NUDCD3: variants seen among roughly 807,000 people sequenced by gnomAD.
The protein encoded by NUDCD3 is NudC domain containing 3.
A neutral mutation model predicts 39.7 loss-of-function variants in NUDCD3; 13 were observed. The ratio of observed to expected loss-of-function variants is 0.33; its 90% CI spans 0.21 to 0.52. The LOEUF (loss-of-function observed/expected upper bound fraction) is 0.52, where lower values mean the gene tolerates loss of function less well. Ranked by LOEUF, NUDCD3 falls within the 20% of genes least tolerant of loss-of-function variation. The pLI is 0.96. For synonymous variants in NUDCD3, 175 were observed against 172.4 expected (o/e 1.02, Z -0.12); for missense variants, 453 against 458.1 (o/e 0.99, Z 0.10).
intron 2 of NUDCD3, chr7:44,468,274 T>C (rs748158126): frequency 2.7e-5 from 42 of 1,583,162 alleles, no homozygotes; most frequent in East Asian, 1.1e-4. Context: ...CCAACCCCAA[T>C]GCCAGGCTGC....
intron 2 of NUDCD3, among the ~76,000 whole-genome samples, chr7:44,442,693 C>CTTTTT (rs869244799): frequency 9.7e-5 from 12 of 124,340 alleles, no homozygotes; most frequent in Non-Finnish European, 1.2e-4. Context: ...CTCCCCTTTT[C>CTTTTT]TTTTTTTTTT....
chr7:44,466,921 G>C (rs1800129840), intron 2 of NUDCD3, among the ~76,000 whole-genome samples: 1 of 152,226 alleles, frequency 6.6e-6, no homozygotes, highest in Non-Finnish European at 1.5e-5. Context: ...TGCTGTTTCA[G>C]ACTCTGCTAT....
chr7:44,480,449 T>C (rs1166711993), intron 2 of NUDCD3, among the ~76,000 whole-genome samples: 2 of 152,198 alleles, frequency 1.3e-5, no homozygotes, highest in African/African-American at 2.4e-5. Flanking sequence ...AGTTTTCAAA[T>C]TTGATATTAG....
chr7:44,389,857 G>C (rs1414248168), intron 5 of NUDCD3, among the ~76,000 whole-genome samples: 1 of 151,678 alleles, frequency 6.6e-6, no homozygotes, highest in East Asian at 1.9e-4. Flanking sequence ...GAAGGGGAGG[G>C]GCAAGGATGT....
At position 44,427,674 on chromosome 7, in the gene NUDCD3, T is replaced by C; in HGVS notation, c.539A>G (p.Asp180Gly). 6.2e-7 allele frequency: 1 copy of C among 1,613,588 alleles called. No homozygotes were observed. Among genetic ancestry groups the C allele is most frequent in the Non-Finnish European group, 8.5e-7 (1 of 1,179,818 alleles). ...CTCTCGGACAGCACCATTGTAACTG[T>C]CGGGATTTTTCTGGAACTGCTCCTG... Reference protein sequence around the residue: ...RIQEQFQKNPDSYNGAVRENY... With the variant: ...RIQEQFQKNPGSYNGAVRENY... Residue 180 changes from aspartate (D) to glycine (G), a missense_variant, in exon 3 of 6, where the codon GAC becomes GGC. Transcript: ENST00000355451.
chr7:44,438,784 G>T (rs1799517164), intron 2 of NUDCD3, among the ~76,000 whole-genome samples: 1 of 152,128 alleles, frequency 6.6e-6, no homozygotes, highest in East Asian at 1.9e-4. Context: ...AATGAAATAC[G>T]CAAGATACAC....
chr7:44,485,212 T>C lies in NUDCD3; in HGVS notation c.265A>G (p.Arg89Gly), dbSNP rs1354664266. 1 of 1,614,222 alleles carries C rather than the reference T, an allele frequency of 6.2e-7. No individual in the cohort carries two copies. The highest frequency in any genetic ancestry group is 8.5e-7 in the Non-Finnish European group (1 of 1,180,024). Residue 89 changes from arginine (R) to glycine (G), a missense_variant, in exon 2 of 6, where the codon AGA (arginine) becomes GGA (glycine). Coordinates refer to ENST00000355451, the MANE Select transcript of NUDCD3 (RefSeq NM_015332.4). ...KRRQELEEKI[R>G]RKEEEEAKTV... ...TTGGCCTCTTCCTCTTCCTTTCTTC[T>C]GATTTTCTCTTCAAGTTCCTGCCTT...
At chr7:44,404,320 C>T (rs1007950722) in intron 4 of NUDCD3, 120 bp downstream of exon 4, 8 of 1,008,504 alleles carry the variant, frequency 7.9e-6, no homozygotes, top group Non-Finnish European at 4.4e-6. Flanking sequence ...ACCCATCTGC[C>T]CCAGCAGCTG....
intron 4 of NUDCD3, among the ~76,000 whole-genome samples, chr7:44,392,831 C>A (rs987426940): frequency 6.6e-6 from 1 of 152,106 alleles, no homozygotes; most frequent in Non-Finnish European, 1.5e-5. Flanking sequence ...TGAAGAAAGG[C>A]TATTTTCCAA....
chr7:44,404,118 T>C (rs756627935), intron 4 of NUDCD3, among the ~76,000 whole-genome samples: 3 of 152,240 alleles, frequency 2.0e-5, no homozygotes, highest in African/African-American at 4.8e-5. Flanking sequence ...CCTGATTCTC[T>C]GAATTTATTA....
intron 3 of NUDCD3, among the ~76,000 whole-genome samples, chr7:44,414,288 T>C (rs1798981383): frequency 6.6e-6 from 1 of 152,050 alleles, no homozygotes; most frequent in Admixed American, 6.5e-5. Flanking sequence ...GTGTGAGGGA[T>C]GGTGGGTTTG....
chr7:44,400,390 C>T (rs181347658), intron 4 of NUDCD3, among the ~76,000 whole-genome samples: 5 of 152,306 alleles, frequency 3.3e-5, no homozygotes, highest in African/African-American at 1.2e-4. Context: ...AGCTGGGAAG[C>T]GAAGGCCATG....
At chr7:44,455,371 C>T (rs1799871946) in intron 2 of NUDCD3, among the ~76,000 whole-genome samples, 1 of 152,128 alleles carries the variant, frequency 6.6e-6, no homozygotes, top group South Asian at 2.1e-4. Flanking sequence ...TATTGGGGAT[C>T]AGGCTTGTTT....
chr7:44,442,153 C>G (rs1799597016), intron 2 of NUDCD3, among the ~76,000 whole-genome samples: 2 of 152,178 alleles, frequency 1.3e-5, no homozygotes, highest in African/African-American at 4.8e-5. Flanking sequence ...CTGTCACCAT[C>G]ATTAATATTT....
intron 2 of NUDCD3, among the ~76,000 whole-genome samples, chr7:44,466,353 T>A (rs1051288185): frequency 1.1e-4 from 17 of 152,198 alleles, no homozygotes; most frequent in Non-Finnish European, 1.9e-4. Flanking sequence ...CCATGCCTGG[T>A]TTCCTTTCTT....
intron 2 of NUDCD3, among the ~76,000 whole-genome samples, chr7:44,445,939 C>T (rs1799682980): frequency 6.6e-6 from 1 of 152,218 alleles, no homozygotes; most frequent in Non-Finnish European, 1.5e-5. Context: ...GTGATACAAC[C>T]TTGTGTCTCT....
At chr7:44,466,632 G>A (rs544282965) in intron 2 of NUDCD3, among the ~76,000 whole-genome samples, 12 of 152,164 alleles carry the variant, frequency 7.9e-5, no homozygotes, top group Non-Finnish European at 1.3e-4. Context: ...TGTTCTCCTA[G>A]GAGAACTTGA....
rs770935352 is a variant in NUDCD3, at chr7:44,467,896, C to T, written c.509+17072G>A. ...GTGGCAGCCATCTCCTCCTCGGCATCATGGCCGCCCTCAGACCCCTTGTGA... is the reference window on the plus strand; with the variant it reads ...GTGGCAGCCATCTCCTCCTCGGCATTATGGCCGCCCTCAGACCCCTTGTGA... On this transcript the variant is annotated intron_variant, in intron 2 of 5. Coordinates refer to ENST00000355451, the MANE Select transcript of NUDCD3 (RefSeq NM_015332.4). 9.4e-6 allele frequency: 15 copies of T among 1,603,974 alleles called. No homozygotes were observed. The South Asian group carries it at 1.6e-4, about 18-fold the overall frequency.
intron 2 of NUDCD3, among the ~76,000 whole-genome samples, chr7:44,429,203 T>G (rs539648201): frequency 6.6e-6 from 1 of 152,190 alleles, no homozygotes; most frequent in African/African-American, 2.4e-5. Flanking sequence ...TGTTAAGAAC[T>G]GAATTGGGTC....
Sources: allele counts gnomAD v4.1 joint callset (sites outside exome capture counted in the v4.1 genomes callset), GRCh38; gene constraint gnomAD v4.1.1; transcripts MANE v1.5; gene names NCBI Gene and HGNC (gene_info 2026-07-23, HGNC 2026-07-21).